Variants in GNAS-AS1 observed in about 807,000 individuals in gnomAD.
GNAS-AS1 encodes the protein GNAS antisense RNA 1, also known as GNAS antisense RNA 1 (non-protein coding).
chr20:58,835,446 C>T (rs1389590483), intron 4 of GNAS-AS1, among the ~76,000 whole-genome samples: 1 of 152,110 alleles, frequency 6.6e-6, no homozygotes, highest in Non-Finnish European at 1.5e-5. Flanking sequence ...ACACGGTAGA[C>T]ACATGGTTAG....
chr20:58,820,967 G>C (rs1350371472), intron 4 of GNAS-AS1, among the ~76,000 whole-genome samples: 1 of 152,154 alleles, frequency 6.6e-6, no homozygotes, highest in Non-Finnish European at 1.5e-5. Flanking sequence ...AAAGACCCCA[G>C]CTACCCAATG....
In GNAS-AS1 at chr20:58,841,603, T is replaced by C; in HGVS notation, n.819+334A>G. 7.8e-6 allele frequency: 8 copies of C among 1,026,732 alleles called. No individual in the cohort carries two copies. Among genetic ancestry groups the C allele is most frequent in the Non-Finnish European group, 9.3e-6 (8 of 857,366 alleles). 63.6% of individuals were successfully genotyped at this position (1,026,732 alleles called of 1,614,324 possible). On this transcript the variant is annotated intron_variant and non_coding_transcript_variant, in intron 4 of 4. Coordinates refer to ENST00000424094, the Ensembl canonical transcript of GNAS-AS1. The surrounding 1 kb of genome is among the most constrained non-coding windows in gnomAD (Gnocchi z 5.0). ...GGGACAGAGACCGCCTCAAAGAGCG[T>C]GCGCACCTGCCCGCGCGCGCCGGAG...
chr20:58,831,714 T>A (rs965036843), intron 4 of GNAS-AS1, among the ~76,000 whole-genome samples: 1 of 152,228 alleles, frequency 6.6e-6, no homozygotes, highest in Non-Finnish European at 1.5e-5. Flanking sequence ...CATTCATTCA[T>A]TCATTCATTT....
intron 4 of GNAS-AS1, among the ~76,000 whole-genome samples, chr20:58,838,498 C>A (rs781284012): frequency 7.2e-4 from 110 of 152,290 alleles, no homozygotes; most frequent in Middle Eastern, 3.4e-3. Context: ...GCAAATTAAT[C>A]CAAAATATCC....
intron 4 of GNAS-AS1, among the ~76,000 whole-genome samples, chr20:58,831,580 G>A (rs774177189): frequency 5.9e-5 from 9 of 152,008 alleles, no homozygotes; most frequent in Non-Finnish European, 1.0e-4. Context: ...GCAGTGAGCC[G>A]AGATTGAGCC....
intron 2 of GNAS-AS1, among the ~76,000 whole-genome samples, chr20:58,842,746 GTC>G (rs1374154180): frequency 1.3e-5 from 2 of 152,190 alleles, no homozygotes; most frequent in African/African-American, 4.8e-5. Flanking sequence ...CTCTGGTAAT[GTC>G]TCAGCCTGAG....
At position 58,847,292 on chromosome 20, in the gene GNAS-AS1, A is replaced by C. The variant is rs138900646; in HGVS notation, n.413+1587T>G. On this transcript the variant is annotated intron_variant and non_coding_transcript_variant, in intron 2 of 4. Transcript: ENST00000424094. ...TGCCTCTAACCTGGTATCTTGCCTC[A>C]TCCATTTGAGGCTTTTTTCCTTTAG... Among the ~76,000 whole-genome samples the C allele has an allele frequency of 3.1e-3, 476 of 152,308 alleles. 2 individuals are homozygous for C. The highest frequency in any genetic ancestry group is 0.011 in the African/African-American group (458 of 41,568).
At position 58,840,179 on chromosome 20, in the gene GNAS-AS1, G is replaced by C. The variant is rs1230896240; in HGVS notation, n.819+1758C>G. The C allele has an allele frequency of 1.2e-6, 2 of 1,611,362 alleles. No homozygotes were observed. Among genetic ancestry groups the C allele is most frequent in the African/African-American group, 2.7e-5 (2 of 74,932 alleles). On this transcript the variant is annotated intron_variant and non_coding_transcript_variant, in intron 4 of 4. Transcript: ENST00000424094. This position sits in a 1 kb window ranked among gnomAD's most constrained non-coding sequence, Gnocchi z 6.0. ...TTACAACGACCTGTGCCCGCCCATA[G>C]GCCGCCGGGCAGCCACCGCGCTCCT... is the stretch of plus-strand genomic sequence containing the variant.
At chr20:58,838,574 T>A (rs1226966086) in intron 4 of GNAS-AS1, among the ~76,000 whole-genome samples, 4 of 152,090 alleles carry the variant, frequency 2.6e-5, no homozygotes, top group Non-Finnish European at 4.4e-5. Context: ...AAAACACAGC[T>A]TGGCACATGC....
At chr20:58,844,444 T>C (rs1255730523) in intron 2 of GNAS-AS1, among the ~76,000 whole-genome samples, 2 of 152,282 alleles carry the variant, frequency 1.3e-5, no homozygotes, top group East Asian at 3.9e-4. Flanking sequence ...CTCTATTTCC[T>C]ATAACTTGAT....
At chr20:58,839,978 G>A (rs2085656739) in intron 4 of GNAS-AS1, 12 of 976,372 alleles carry the variant, frequency 1.2e-5, no homozygotes, top group Non-Finnish European at 1.7e-5. Flanking sequence ...AGGAGGTGAG[G>A]CTGGGACCTC....
chr20:58,820,912 T>C (rs1447985974), intron 4 of GNAS-AS1, among the ~76,000 whole-genome samples: 1 of 152,236 alleles, frequency 6.6e-6, no homozygotes, highest in Non-Finnish European at 1.5e-5. Context: ...AGATGAGATC[T>C]GGGTGGGGAC....
At position 58,841,383 on chromosome 20, in the gene GNAS-AS1, T is replaced by G. The variant is rs2085719472; in HGVS notation, n.819+554A>C. ...AGACACCGTTGAAATGTGCGGAAAG[T>G]AATCTGAATGGGAATGGGCGAGAAC... On this transcript the variant is annotated intron_variant and non_coding_transcript_variant, in intron 4 of 4. Transcript: ENST00000424094. This position sits in a 1 kb window ranked among gnomAD's most constrained non-coding sequence, Gnocchi z 5.0. 2.0e-6 allele frequency: 2 copies of G among 1,013,264 alleles called. No homozygotes were observed. Among genetic ancestry groups the G allele is most frequent in the South Asian group, 8.1e-5 (2 of 24,736 alleles). The allele number at this position is 1,013,264 out of a possible 1,614,324, so 62.8% of individuals were successfully genotyped here.
intron 2 of GNAS-AS1, among the ~76,000 whole-genome samples, chr20:58,848,630 A>G (rs1449423685): frequency 6.6e-6 from 1 of 152,206 alleles, no homozygotes; most frequent in Non-Finnish European, 1.5e-5. Flanking sequence ...GATCAAGGCC[A>G]TGTTTCTGTC....
chr20:58,820,313 C>T (rs892683592), intron 4 of GNAS-AS1, among the ~76,000 whole-genome samples: 6 of 152,364 alleles, frequency 3.9e-5, no homozygotes, highest in East Asian at 1.9e-4. Context: ...GCTGCCAAGA[C>T]GAGGCTGAGC....
chr20:58,837,929 G>A (rs1194731644), intron 4 of GNAS-AS1, among the ~76,000 whole-genome samples: 2 of 152,180 alleles, frequency 1.3e-5, no homozygotes, highest in Non-Finnish European at 2.9e-5. Context: ...GTTCCATCAT[G>A]GTGAGAATGG....
chr20:58,839,469 C>T (rs1331421034), intron 4 of GNAS-AS1: 1 of 401,070 alleles, frequency 2.5e-6, no homozygotes, highest in Non-Finnish European at 4.4e-6. Context: ...AGGGGCACGA[C>T]CCCACGGGAG....
chr20:58,821,343 C>T (rs984334328), intron 4 of GNAS-AS1, among the ~76,000 whole-genome samples: 2 of 152,208 alleles, frequency 1.3e-5, no homozygotes, highest in African/African-American at 2.4e-5. Flanking sequence ...GCCATCACCT[C>T]GGACTCCTCC....
chr20:58,820,407 G>A lies in GNAS-AS1; in HGVS notation n.820-1152C>T, dbSNP rs146277758. 2.8e-3 allele frequency among the ~76,000 whole-genome samples: 427 copies of A among 152,302 alleles called. 4 individuals carry two copies. Among genetic ancestry groups the A allele is most frequent in the African/African-American group, 4.1e-3 (172 of 41,566 alleles). On this transcript the variant is annotated intron_variant and non_coding_transcript_variant, in intron 4 of 4. Transcript: ENST00000424094. ...ATACCTGGCACCTGGACACCTACCC[G>A]AGGGAGCTCTCCAAGGGTGCCCCAC...
Sources: gnomAD v4.1 joint callset for allele counts (sites outside exome capture counted in the v4.1 genomes callset) on GRCh38, gnomAD v4.1.1 for gene constraint, Gnocchi (gnomAD v3.1) non-coding constraint, MANE v1.5 for transcripts, NCBI Gene and HGNC (gene_info 2026-07-23, HGNC 2026-07-21) for gene names.